The following AGAP1 variants were observed in gnomAD, a reference collection of about 807,000 sequenced individuals.
AGAP1 encodes the protein ArfGAP with GTPase domain, ankyrin repeat and PH domain 1.
A neutral mutation model predicts 105.3 loss-of-function variants in AGAP1; 29 were observed. The ratio of observed to expected loss-of-function variants is 0.28; its 90% CI spans 0.21 to 0.38. The LOEUF (loss-of-function observed/expected upper bound fraction) is 0.38. AGAP1 is among the 10% of genes least tolerant of loss of function. The probability of loss-of-function intolerance (pLI) is 1.00; values close to 1 mark genes in which losing one functional copy is unlikely to be tolerated. For synonymous variants in AGAP1, 509 were observed against 485.9 expected, an observed-to-expected ratio of 1.05 and a Z score of -0.63; for missense variants, 998 against 1,165.1, an observed-to-expected ratio of 0.86 and a Z score of 2.09.
intron 1 of AGAP1, among the ~76,000 whole-genome samples, chr2:235,628,936 C>T (rs559018764): frequency 3.9e-5 from 6 of 152,172 alleles, no homozygotes; most frequent in East Asian, 1.9e-4. Flanking sequence ...CTTAGCCTCC[C>T]GAGTAGCTGG....
chr2:235,512,992 C>T (rs1051185420), intron 1 of AGAP1, among the ~76,000 whole-genome samples: 1 of 152,220 alleles, frequency 6.6e-6, no homozygotes, highest in Non-Finnish European at 1.5e-5. Context: ...GAACTGGGCA[C>T]TCCTGGTTCT....
At chr2:235,871,628 G>A (rs1449269196) in intron 9 of AGAP1, among the ~76,000 whole-genome samples, 1 of 152,208 alleles carries the variant, frequency 6.6e-6, no homozygotes, top group Admixed American at 6.5e-5. Context: ...TGCTAATTCT[G>A]TTTTTCTTAC....
At chr2:236,024,648 GA>G (rs1014371644) in intron 13 of AGAP1, among the ~76,000 whole-genome samples, 13 of 151,680 alleles carry the variant, frequency 8.6e-5, no homozygotes, top group East Asian at 5.8e-4. Flanking sequence ...TAACCTTTAA[GA>G]AAAAAAAAGT....
intron 12 of AGAP1, among the ~76,000 whole-genome samples, chr2:235,939,494 A>G (rs896654413): frequency 3.3e-5 from 5 of 151,650 alleles, no homozygotes; most frequent in African/African-American, 1.2e-4. Flanking sequence ...CTGCTCGGCC[A>G]TCGCTCAGCC....
chr2:236,084,223 CG>C (rs948254636), intron 16 of AGAP1, among the ~76,000 whole-genome samples: 209 of 147,436 alleles, frequency 1.4e-3, no homozygotes, highest in African/African-American at 4.5e-3. Flanking sequence ...TCCTGAAGGG[CG>C]GGGGGGGGTC....
At chr2:235,583,037 C>G (rs1351150108) in intron 1 of AGAP1, among the ~76,000 whole-genome samples, 1 of 152,140 alleles carries the variant, frequency 6.6e-6, no homozygotes, top group Non-Finnish European at 1.5e-5. Context: ...ACTTTCAGAC[C>G]AGCTGCATTT....
rs575314288 is a variant in AGAP1 at position 235,905,790 on chromosome 2, C to T, written c.1156-2948C>T. On this transcript the variant is annotated intron_variant, in intron 10 of 17. Transcript: ENST00000304032. This position sits in a 1 kb window ranked among gnomAD's most constrained non-coding sequence, Gnocchi z 4.2. ...CTGGGATTACAGGCGTGAGCCACCG[C>T]GCCCCGCCTGATGTGCTTTTCATTT... Among the ~76,000 whole-genome samples the T allele has an allele frequency of 1.8e-4, 27 of 152,348 alleles. No individual in the cohort carries two copies. Among genetic ancestry groups the T allele is most frequent in the African/African-American group, 2.6e-4 (11 of 41,590 alleles).
chr2:235,847,064 G>A (rs760064977), intron 9 of AGAP1, among the ~76,000 whole-genome samples: 2 of 152,224 alleles, frequency 1.3e-5, no homozygotes, highest in Non-Finnish European at 2.9e-5. Flanking sequence ...AGAGGCCACC[G>A]TGGCAGTCAC....
chr2:235,779,561 C>A lies in AGAP1; in HGVS notation c.674-18198C>A, dbSNP rs145656782. Among the ~76,000 whole-genome samples the A allele has an allele frequency of 7.8e-4, 119 of 152,274 alleles. 2 individuals carry two copies. The East Asian group carries it at 0.019, about 25-fold the overall frequency. ...CTCCGGGTTCTGCCCTTCAGCTCTG[C>A]GAGTCCAGAGCCCAAGCTGCTCCTT... On this transcript the variant is annotated intron_variant, in intron 6 of 17. Coordinates refer to ENST00000304032, the MANE Select transcript of AGAP1 (RefSeq NM_001037131.3).
Position 235,612,740 on chromosome 2 carries a change from C to T in AGAP1, c.164-96439C>T, listed in dbSNP as rs1201918087. 1.3e-5 allele frequency among the ~76,000 whole-genome samples: 2 copies of T among 152,112 alleles called. No individual in the cohort carries two copies. The highest frequency in any genetic ancestry group is 4.8e-5 in the African/African-American group (2 of 41,416). On this transcript the variant is annotated intron_variant, in intron 1 of 17. Transcript: ENST00000304032. This position sits in a 1 kb window ranked among gnomAD's most constrained non-coding sequence, Gnocchi z 4.3. ...GGTGGCCGGCCAGGTGTGCTGAGTG[C>T]CACCTGGGCTTGCATGCCGGACGCA...
intron 1 of AGAP1, chr2:235,670,853 G>T: frequency 7.1e-7 from 1 of 1,400,682 alleles, no homozygotes; most frequent in Non-Finnish European, 9.3e-7. Context: ...GCGCGCGCGG[G>T]CGGCGGCCGG....
rs1953787753 is a variant in AGAP1, at chr2:235,754,917, G to C, written c.673+4429G>C. 6.6e-6 allele frequency among the ~76,000 whole-genome samples: 1 copy of C among 152,274 alleles called. No homozygotes were observed. Among genetic ancestry groups the C allele is most frequent in the South Asian group, 2.1e-4 (1 of 4,838 alleles). ...GTGGAAAAGAAGTGTGGCAGCCCAG[G>C]CTGCTTTCTGGGGGTGGAGCGTTCT... On this transcript the variant is annotated intron_variant, in intron 6 of 17. Coordinates refer to ENST00000304032, the MANE Select transcript of AGAP1 (RefSeq NM_001037131.3). This position sits in a 1 kb window ranked among gnomAD's most constrained non-coding sequence, Gnocchi z 4.6.
At chr2:236,029,098 C>A (rs1227292207) in intron 13 of AGAP1, among the ~76,000 whole-genome samples, 1 of 152,056 alleles carries the variant, frequency 6.6e-6, no homozygotes, top group Admixed American at 6.5e-5. Flanking sequence ...ATGTCCTCAC[C>A]GCTACTCTCA....
intron 1 of AGAP1, chr2:235,671,144 C>T (rs1948397972): frequency 2.5e-6 from 3 of 1,222,036 alleles, no homozygotes; most frequent in South Asian, 7.6e-5. Context: ...CCCGCCCTCC[C>T]GGGTCGGGAG....
rs573077352 is a variant in AGAP1 at position 235,906,271 on chromosome 2, G to T, written c.1156-2467G>T. Among the ~76,000 whole-genome samples, 9 of 152,308 alleles carry T rather than the reference G, an allele frequency of 5.9e-5. No individual in the cohort carries two copies. The East Asian group carries it at 1.4e-3, about 23-fold the overall frequency. ...CTGGATAGCCTGTCTGTCCTTTGCCGGGGAATGCCCGGCCTTGCCCCTGCC... is the reference window on the plus strand; with the variant it reads ...CTGGATAGCCTGTCTGTCCTTTGCCTGGGAATGCCCGGCCTTGCCCCTGCC... On this transcript the variant is annotated intron_variant, in intron 10 of 17. Transcript: ENST00000304032. The surrounding 1 kb of genome is among the most constrained non-coding windows in gnomAD (Gnocchi z 5.3).
chr2:235,652,013 C>T (rs1011390428), intron 1 of AGAP1, among the ~76,000 whole-genome samples: 17 of 152,040 alleles, frequency 1.1e-4, no homozygotes, highest in South Asian at 2.1e-4. Context: ...GTTTTTTGAA[C>T]GCTCGACTTT....
rs931737013 is a variant in AGAP1, at chr2:235,983,494, A to T, written c.1645+14871A>T. On this transcript the variant is annotated intron_variant, in intron 13 of 17. Coordinates refer to ENST00000304032, the MANE Select transcript of AGAP1 (RefSeq NM_001037131.3). The surrounding 1 kb of genome is among the most constrained non-coding windows in gnomAD (Gnocchi z 4.5). ...TTCTTCTTTTCCCATCCATAACCTC[A>T]TCATTGTCTTTTTCTCCCTTTCTTA... 1.3e-5 allele frequency among the ~76,000 whole-genome samples: 2 copies of T among 151,290 alleles called. No homozygotes were observed. The highest frequency in any genetic ancestry group is 2.9e-5 in the Non-Finnish European group (2 of 67,824).
chr2:235,935,396 A>C (rs2125178766), intron 12 of AGAP1, among the ~76,000 whole-genome samples: 1 of 152,340 alleles, frequency 6.6e-6, no homozygotes, highest in Non-Finnish European at 1.5e-5. Flanking sequence ...CCAGGAGTAC[A>C]TGAAAAATTA....
intron 1 of AGAP1, among the ~76,000 whole-genome samples, chr2:235,592,465 G>A (rs1945378476): frequency 6.6e-6 from 1 of 152,180 alleles, no homozygotes; most frequent in Admixed American, 6.5e-5. Flanking sequence ...GCTTTTCCAG[G>A]GTTTTGGAGG....
Sources: gnomAD v4.1 joint callset for allele counts (sites outside exome capture counted in the v4.1 genomes callset) on GRCh38, gnomAD v4.1.1 for gene constraint, Gnocchi (gnomAD v3.1) non-coding constraint, MANE v1.5 for transcripts, NCBI Gene and HGNC (gene_info 2026-07-23, HGNC 2026-07-21) for gene names.